The following ZNF141 variants were observed in gnomAD, a reference collection of about 807,000 sequenced individuals.
ZNF141 encodes zinc finger protein 141 (clone pHZ-44).
Under a neutral mutation model 11.3 loss-of-function variants are expected in ZNF141, and 7 were observed. The ratio of observed to expected loss-of-function variants is 0.62; its 90% confidence interval spans 0.35 to 1.16. The LOEUF (loss-of-function observed/expected upper bound fraction) is 1.16, where lower values mean the gene tolerates loss of function less well. Ranked by LOEUF, ZNF141 falls within the 50% of genes most tolerant of loss-of-function variation. The pLI, the probability that ZNF141 is intolerant of heterozygous loss-of-function variation, is 0.02. For missense variants in ZNF141, 535 were observed against 554.0 expected (o/e 0.97, Z 0.34); for synonymous variants, 183 against 190.7 (o/e 0.96, Z 0.33).
At position 373,508 on chromosome 4, in the gene ZNF141, TAAG is replaced by T; in HGVS notation, c.1074_1076del (p.Lys359del). ...GACAGTCCTCAAAACTGAATGAACA[TAAG>T]AAAGTTCATACTGGAGAGCGGCCCT... On this transcript the variant is annotated inframe_deletion, in exon 4 of 4. Coordinates refer to ENST00000240499, the MANE Select transcript of ZNF141 (RefSeq NM_003441.4). The T allele has an allele frequency of 1.2e-6, 2 of 1,613,784 alleles. No homozygotes were observed. Among genetic ancestry groups the T allele is most frequent in the Non-Finnish European group, 1.7e-6 (2 of 1,179,874 alleles).
intron 3 of ZNF141, among the ~76,000 whole-genome samples, chr4:358,043 A>T (rs1387708567): frequency 6.6e-6 from 1 of 150,422 alleles, no homozygotes; most frequent in Non-Finnish European, 1.5e-5. Flanking sequence ...TTAATTAGGA[A>T]CTTTCAAATG....
In ZNF141 at chr4:383,170, C is replaced by T; in HGVS notation, c.*9308C>T. The T allele has an allele frequency of 1.4e-6, 1 of 702,156 alleles. No individual in the cohort carries two copies. The highest frequency in any genetic ancestry group is 2.6e-6 in the Non-Finnish European group (1 of 384,690). 43.5% of individuals were successfully genotyped at this position (702,156 alleles called of 1,614,324 possible). Reference sequence around the variant, plus strand: ...GCATCTGAGAAAAGCCAAAGTGCCTCAGTTTACAGACAGCTCACTCACAGA... The same window carrying T: ...GCATCTGAGAAAAGCCAAAGTGCCTTAGTTTACAGACAGCTCACTCACAGA... On this transcript the variant is annotated 3_prime_UTR_variant, in exon 4 of 4. Coordinates refer to ENST00000240499, the MANE Select transcript of ZNF141 (RefSeq NM_003441.4).
At position 342,813 on chromosome 4, in the gene ZNF141, A is replaced by C. The variant is rs1467787522; in HGVS notation, c.4-969A>C. 7 of 1,605,580 alleles carry C rather than the reference A, an allele frequency of 4.4e-6. No homozygotes were observed. The East Asian group carries it at 1.6e-4, about 36-fold the overall frequency. ...GAAAATAATACAGCACTACAGAAAA[A>C]ATTCAAACAGGTCCCCGAGGCATTT... On this transcript the variant is annotated intron_variant, in intron 1 of 3. Transcript: ENST00000240499.
rs186317016 is a variant in ZNF141, at chr4:374,264, A to G, written c.*402A>G. On this transcript the variant is annotated 3_prime_UTR_variant, in exon 4 of 4. Coordinates refer to ENST00000240499, the MANE Select transcript of ZNF141 (RefSeq NM_003441.4). ...AATTGGTCCTCAATGCTTAATAAAT[A>G]TAATTCATGCTGGAGAGAAACTTCA... is the stretch of plus-strand genomic sequence containing the variant. 1.4e-3 allele frequency: 434 copies of G among 306,682 alleles called. No individual in the cohort carries two copies. Among genetic ancestry groups the G allele is most frequent in the Admixed American group, 3.6e-3 (86 of 23,856 alleles). The allele number at this position is 306,682 out of a possible 1,614,324, so 19.0% of individuals were successfully genotyped here.
Position 380,700 on chromosome 4 carries a change from G to T in ZNF141, c.*6838G>T, listed in dbSNP as rs1712572520. On this transcript the variant is annotated 3_prime_UTR_variant, in exon 4 of 4. Coordinates refer to ENST00000240499, the MANE Select transcript of ZNF141 (RefSeq NM_003441.4). The stretch of plus-strand genomic sequence containing the variant: ...ATTTTCACAGAAAATTAATAGCATA[G>T]GTATTATTATCCTCATTTTACAGAG... 6.6e-6 allele frequency among the ~76,000 whole-genome samples: 1 copy of T among 151,858 alleles called. No homozygotes were observed. Among genetic ancestry groups the T allele is most frequent in the African/African-American group, 2.4e-5 (1 of 41,316 alleles).
chr4:360,756 T>C (rs1449406809), intron 3 of ZNF141, among the ~76,000 whole-genome samples: 1 of 152,182 alleles, frequency 6.6e-6, no homozygotes, highest in Non-Finnish European at 1.5e-5. Context: ...CTGTTGCCTA[T>C]AAAAGTTATC....
intron 3 of ZNF141, among the ~76,000 whole-genome samples, chr4:368,918 T>C (rs1553853185): frequency 6.6e-6 from 1 of 152,210 alleles, no homozygotes; most frequent in African/African-American, 2.4e-5. Context: ...TAATTAGAAA[T>C]TTGACAGGGA....
intron 3 of ZNF141, among the ~76,000 whole-genome samples, chr4:368,517 C>T (rs1711860995): frequency 1.3e-5 from 2 of 152,354 alleles, no homozygotes; most frequent in East Asian, 1.9e-4. Context: ...GCTGGGATTA[C>T]AGGCATGAGC....
chr4:373,856 T>C lies in ZNF141; in HGVS notation c.1419T>C (p.His473=), dbSNP rs137931151. Residue 473 remains histidine, a synonymous_variant, in exon 4 of 4, where the codon CAT becomes CAC. Coordinates refer to ENST00000240499, the MANE Select transcript of ZNF141 (RefSeq NM_003441.4). The part of the protein sequence containing the change: ...FSHLNKHKKI[H]T Reference sequence around the variant, plus strand: ...ACCTGAATAAACATAAGAAAATTCATACTTGAGAGAAATCCTACAAATGTA... The same window carrying C: ...ACCTGAATAAACATAAGAAAATTCACACTTGAGAGAAATCCTACAAATGTA... The C allele has an allele frequency of 3.9e-3, 6,242 of 1,599,760 alleles. 18 individuals carry two copies. Among genetic ancestry groups the C allele is most frequent in the Non-Finnish European group, 4.8e-3 (5,609 of 1,172,752 alleles).
At chr4:362,051 C>G (rs1553852259) in intron 3 of ZNF141, among the ~76,000 whole-genome samples, 1 of 152,172 alleles carries the variant, frequency 6.6e-6, no homozygotes, top group African/African-American at 2.4e-5. Context: ...TGTTTCCTGA[C>G]TTTTTAATGA....
At chr4:368,796 A>T (rs1474730565) in intron 3 of ZNF141, among the ~76,000 whole-genome samples, 2 of 152,216 alleles carry the variant, frequency 1.3e-5, no homozygotes, top group Non-Finnish European at 2.9e-5. Flanking sequence ...TTTGAAATCA[A>T]GAACTGTAGT....
At chr4:342,916 T>A in intron 1 of ZNF141, 2 of 1,582,526 alleles carry the variant, frequency 1.3e-6, no homozygotes, top group Non-Finnish European at 1.7e-6. Context: ...CAGCATTTCC[T>A]TAGTGTCAGG....
At chr4:361,114 C>A (rs1553852071) in intron 3 of ZNF141, among the ~76,000 whole-genome samples, 1 of 152,096 alleles carries the variant, frequency 6.6e-6, no homozygotes, top group African/African-American at 2.4e-5. Context: ...TAAACATTTT[C>A]AAGTACAGTC....
At position 339,598 on chromosome 4, in the gene ZNF141, G is replaced by T. The variant is rs552999843; in HGVS notation, c.3+1612G>T. The stretch of plus-strand genomic sequence containing the variant: ...ATGCTTTCTCTTTAGAATGAGGAAA[G>T]AATTTTTACTCTTCTCCCTTAAAGC... On this transcript the variant is annotated intron_variant, in intron 1 of 3. Coordinates refer to ENST00000240499, the MANE Select transcript of ZNF141 (RefSeq NM_003441.4). 1.5e-4 allele frequency among the ~76,000 whole-genome samples: 23 copies of T among 152,286 alleles called. No homozygotes were observed. In the South Asian group the frequency reaches 2.3e-3, roughly 15 times the overall value.
chr4:375,068 A>T lies in ZNF141; in HGVS notation c.*1206A>T, dbSNP rs1293348786. 1 of 152,178 alleles carries T rather than the reference A, an allele frequency of 6.6e-6. No homozygotes were observed. The highest frequency in any genetic ancestry group is 1.5e-5 in the Non-Finnish European group (1 of 67,990). 9.4% of individuals were successfully genotyped at this position (152,178 alleles called of 1,614,324 possible). ...TTTTTACCAATGCTCATCTTTTTGC[A>T]CATGATATCCTTTATATTCGAGAAA... On this transcript the variant is annotated 3_prime_UTR_variant, in exon 4 of 4. Coordinates refer to ENST00000240499, the MANE Select transcript of ZNF141 (RefSeq NM_003441.4).
chr4:354,195 A>G (rs1277334540), intron 3 of ZNF141, among the ~76,000 whole-genome samples: 1 of 152,196 alleles, frequency 6.6e-6, no homozygotes, highest in African/African-American at 2.4e-5. Context: ...TATCTAGAGC[A>G]CTAACCAGTC....
At chr4:371,784 C>T (rs1397520070) in intron 3 of ZNF141, among the ~76,000 whole-genome samples, 1 of 152,022 alleles carries the variant, frequency 6.6e-6, no homozygotes, top group Non-Finnish European at 1.5e-5. Flanking sequence ...TCGTGATCCA[C>T]CCGCCTCAGC....
chr4:338,098 C>G (rs1414728083), intron 1 of ZNF141, 112 bp downstream of exon 1: 1 of 1,483,354 alleles, frequency 6.7e-7, no homozygotes, highest in African/African-American at 1.4e-5. Context: ...CCGCTCAGCC[C>G]TGGGGCCTCA....
At chr4:368,551 A>G (rs907675439) in intron 3 of ZNF141, among the ~76,000 whole-genome samples, 3 of 152,194 alleles carry the variant, frequency 2.0e-5, no homozygotes, top group Non-Finnish European at 4.4e-5. Context: ...CAATCGGCCA[A>G]TGTTTCATTA....
Sources: gnomAD v4.1 joint callset for allele counts (sites outside exome capture counted in the v4.1 genomes callset) on GRCh38, gnomAD v4.1.1 for gene constraint, MANE v1.5 for transcripts, NCBI Gene and HGNC (gene_info 2026-07-23, HGNC 2026-07-21) for gene names.